The following SLC38A12 variants were observed in gnomAD, a reference collection of about 807,000 sequenced individuals.
SLC38A12 encodes putative sodium-coupled neutral amino acid transporter 12.
chr17:74,819,285 A>C, the SLC38A12 span, among the ~76,000 whole-genome samples: 2 of 152,354 alleles, frequency 1.3e-5, no homozygotes, highest in East Asian at 3.9e-4. Context: ...AGGCTTCGTC[A>C]GGGCTCCTGG....
At chr17:74,800,325 C>G in the SLC38A12 span, among the ~76,000 whole-genome samples, 1 of 152,234 alleles carries the variant, frequency 6.6e-6, no homozygotes, top group African/African-American at 2.4e-5. Context: ...CCATCATTGT[C>G]ACCGACTTGA....
chr17:74,799,805 A>G, the SLC38A12 span, among the ~76,000 whole-genome samples: 3 of 152,176 alleles, frequency 2.0e-5, no homozygotes, highest in Non-Finnish European at 4.4e-5. Context: ...TGCAGTCCCC[A>G]TTTCAAAACC....
At chr17:74,785,509 A>T in the SLC38A12 span, 1 of 1,614,012 alleles carries the variant, frequency 6.2e-7, no homozygotes, top group Non-Finnish European at 8.5e-7. Flanking sequence ...GTTTAACCTC[A>T]TCGTGGGCAC....
At chr17:74,801,728 A>G in the SLC38A12 span, among the ~76,000 whole-genome samples, 1 of 152,190 alleles carries the variant, frequency 6.6e-6, no homozygotes, top group East Asian at 1.9e-4. Flanking sequence ...GTGACCTCAA[A>G]GGATTAGCTT....
chr17:74,832,537 G>A, the SLC38A12 span, among the ~76,000 whole-genome samples: 17 of 152,208 alleles, frequency 1.1e-4, no homozygotes, highest in South Asian at 6.2e-4. Flanking sequence ...TCACCATGGC[G>A]GCCTCTCCCC....
the SLC38A12 span, among the ~76,000 whole-genome samples, chr17:74,820,952 T>TA: frequency 6.6e-6 from 1 of 152,184 alleles, no homozygotes; most frequent in Non-Finnish European, 1.5e-5. Flanking sequence ...GATGTCAGTC[T>TA]AAGGAGCCTC....
the SLC38A12 span, among the ~76,000 whole-genome samples, chr17:74,802,545 C>G: frequency 6.6e-6 from 1 of 152,178 alleles, no homozygotes; most frequent in African/African-American, 2.4e-5. Context: ...TTGGGTGTCT[C>G]TGGCCCTGGT....
the SLC38A12 span, among the ~76,000 whole-genome samples, chr17:74,817,814 AG>A: frequency 6.6e-6 from 1 of 152,034 alleles, no homozygotes; most frequent in Admixed American, 6.6e-5. Context: ...ACCAGTCTTT[AG>A]GTCTCTGAGA....
the SLC38A12 span, among the ~76,000 whole-genome samples, chr17:74,805,994 G>A: frequency 1.3e-5 from 2 of 152,194 alleles, no homozygotes; most frequent in African/African-American, 2.4e-5. This position sits in a 1 kb window ranked among gnomAD's most constrained non-coding sequence, Gnocchi z 5.0. Flanking sequence ...TACTGGAGAC[G>A]CAAGCGGCCT....
At chr17:74,785,114 A>G in the SLC38A12 span, among the ~76,000 whole-genome samples, 16 of 152,242 alleles carry the variant, frequency 1.1e-4, no homozygotes, top group African/African-American at 3.9e-4. Flanking sequence ...TTATGCGCTC[A>G]CCTTTGTGCC....
chr17:74,805,018 C>T, the SLC38A12 span, among the ~76,000 whole-genome samples: 5 of 152,240 alleles, frequency 3.3e-5, no homozygotes, highest in Non-Finnish European at 4.4e-5. This position sits in a 1 kb window ranked among gnomAD's most constrained non-coding sequence, Gnocchi z 5.0. Context: ...TTGGGTCCTG[C>T]GCCAGGCCTG....
At chr17:74,835,064 C>G in the SLC38A12 span, among the ~76,000 whole-genome samples, 1 of 152,188 alleles carries the variant, frequency 6.6e-6, no homozygotes, top group Non-Finnish European at 1.5e-5. Flanking sequence ...GGAGGGTCAC[C>G]GTAAAGGGCT....
chr17:74,839,002 T>A, the SLC38A12 span: 1 of 1,535,720 alleles, frequency 6.5e-7, no homozygotes, highest in Non-Finnish European at 8.7e-7. Flanking sequence ...ACCCAACATC[T>A]GCCACCTGCA....
chr17:74,799,580 G>A, the SLC38A12 span, among the ~76,000 whole-genome samples: 1 of 152,174 alleles, frequency 6.6e-6, no homozygotes, highest in Non-Finnish European at 1.5e-5. Context: ...CCTTGAAGAA[G>A]TGGAGGGCCA....
chr17:74,827,083 T>TC, the SLC38A12 span, among the ~76,000 whole-genome samples: 3 of 151,756 alleles, frequency 2.0e-5, no homozygotes, highest in Non-Finnish European at 4.4e-5. This position sits in a 1 kb window ranked among gnomAD's most constrained non-coding sequence, Gnocchi z 4.7. Context: ...TATCATCCAG[T>TC]CCCCCTCGTT....
At chr17:74,778,961 C>T in the SLC38A12 span, among the ~76,000 whole-genome samples, 3 of 152,130 alleles carry the variant, frequency 2.0e-5, no homozygotes, top group African/African-American at 4.8e-5. Flanking sequence ...AGCCACTGCA[C>T]CCAGCCTCTC....
the SLC38A12 span, chr17:74,839,348 C>T: frequency 2.4e-5 from 14 of 581,172 alleles, no homozygotes; most frequent in Admixed American, 1.0e-4. Flanking sequence ...GCTGCTGCCC[C>T]GCTCCTGGAA....
the SLC38A12 span, among the ~76,000 whole-genome samples, chr17:74,794,543 G>A: frequency 3.0e-4 from 46 of 152,296 alleles, no homozygotes; most frequent in African/African-American, 1.1e-3. Context: ...GCTTCAGAGA[G>A]CTGGGCTATT....
the SLC38A12 span, among the ~76,000 whole-genome samples, chr17:74,805,610 G>T: frequency 6.6e-6 from 1 of 152,120 alleles, no homozygotes; most frequent in Admixed American, 6.5e-5. This position sits in a 1 kb window ranked among gnomAD's most constrained non-coding sequence, Gnocchi z 5.0. Flanking sequence ...TCTCCCCTCC[G>T]TCCCGCCTCC....
Sources: gnomAD v4.1 joint callset for allele counts (sites outside exome capture counted in the v4.1 genomes callset) on GRCh38, gnomAD v4.1.1 for gene constraint, Gnocchi (gnomAD v3.1) non-coding constraint, MANE v1.5 for transcripts, NCBI Gene and HGNC (gene_info 2026-07-23, HGNC 2026-07-21) for gene names.